ATRNL1: variants seen among roughly 807,000 people sequenced by gnomAD.
ATRNL1 encodes attractin-like protein 1.
ATRNL1 carries 95 observed loss-of-function variants against 182.7 expected under a neutral mutation model. The ratio of observed to expected loss-of-function variants is 0.52; its 90% CI spans 0.44 to 0.62. The LOEUF is 0.62. ATRNL1 is among the 20% of genes least tolerant of loss of function. ATRNL1 has a pLI of 0.00. For missense variants in ATRNL1, 1,471 were observed against 1,679.5 expected, an observed-to-expected ratio of 0.88 and a Z score of 2.17; for synonymous variants, 576 against 568.3, an observed-to-expected ratio of 1.01 and a Z score of -0.19.
intron 19 of ATRNL1, among the ~76,000 whole-genome samples, chr10:115,356,349 C>T (rs1554942826): frequency 6.6e-6 from 1 of 152,024 alleles, no homozygotes; most frequent in East Asian, 1.9e-4. Flanking sequence ...TTTGACACAA[C>T]AATGTTAAAA....
chr10:115,860,146 T>C (rs1951280009), intron 28 of ATRNL1, among the ~76,000 whole-genome samples: 1 of 152,204 alleles, frequency 6.6e-6, no homozygotes, highest in Admixed American at 6.5e-5. Flanking sequence ...AGGGAGGTGG[T>C]TTGAGGAATC....
intron 4 of ATRNL1, among the ~76,000 whole-genome samples, 191 bp from the exon 5 acceptor site, chr10:115,129,136 C>T (rs1241111962): frequency 6.6e-6 from 1 of 152,082 alleles, no homozygotes; most frequent in Non-Finnish European, 1.5e-5. Context: ...ATAAGACCAA[C>T]TGCAAATAAA....
chr10:115,224,154 C>T (rs1365092761), intron 9 of ATRNL1, among the ~76,000 whole-genome samples: 1 of 151,098 alleles, frequency 6.6e-6, no homozygotes, highest in Non-Finnish European at 1.5e-5. Context: ...CCAGGGTGGT[C>T]TCAATCTCTT....
intron 28 of ATRNL1, among the ~76,000 whole-genome samples, chr10:115,893,132 A>G (rs1555111676): frequency 6.6e-6 from 1 of 152,164 alleles, no homozygotes; most frequent in African/African-American, 2.4e-5. Context: ...ACTGCTGACA[A>G]TGCAGGTTCG....
intron 26 of ATRNL1, among the ~76,000 whole-genome samples, chr10:115,591,858 AG>A (rs1175018363): frequency 6.6e-6 from 1 of 152,220 alleles, no homozygotes; most frequent in African/African-American, 2.4e-5. Context: ...TCTACCAAAA[AG>A]ACACGTGCAC....
chr10:115,666,866 C>A (rs1242675156), intron 26 of ATRNL1, among the ~76,000 whole-genome samples: 2 of 152,018 alleles, frequency 1.3e-5, no homozygotes, highest in African/African-American at 2.4e-5. Flanking sequence ...TAATTATTTG[C>A]AATACTTAAA....
chr10:115,136,867 T>G (rs1275208840), intron 5 of ATRNL1, among the ~76,000 whole-genome samples: 1 of 152,214 alleles, frequency 6.6e-6, no homozygotes, highest in Non-Finnish European at 1.5e-5. Flanking sequence ...TGGTTGCTTC[T>G]GTAAAATTTG....
At chr10:115,337,535 C>A (rs1380168677) in intron 19 of ATRNL1, among the ~76,000 whole-genome samples, 1 of 152,068 alleles carries the variant, frequency 6.6e-6, no homozygotes, top group Non-Finnish European at 1.5e-5. Flanking sequence ...TACCTTCTCC[C>A]CAGCACCCCA....
intron 28 of ATRNL1, among the ~76,000 whole-genome samples, chr10:115,875,231 T>C (rs2134425949): frequency 6.6e-6 from 1 of 152,348 alleles, no homozygotes; most frequent in Non-Finnish European, 1.5e-5. Context: ...TGTAAGTTGA[T>C]TTGAGAGATC....
intron 19 of ATRNL1, among the ~76,000 whole-genome samples, chr10:115,347,901 G>T (rs1856049559): frequency 6.6e-6 from 1 of 152,036 alleles, no homozygotes; most frequent in Non-Finnish European, 1.5e-5. Flanking sequence ...AAATGCTTGG[G>T]CTTTGGAATC....
At chr10:115,714,948 A>T (rs782778166) in intron 26 of ATRNL1, among the ~76,000 whole-genome samples, 8 of 152,210 alleles carry the variant, frequency 5.3e-5, no homozygotes, top group Non-Finnish European at 7.3e-5. Flanking sequence ...GGAATATATC[A>T]TAAGCCAATA....
At chr10:115,398,739 A>T (rs955639988) in intron 20 of ATRNL1, among the ~76,000 whole-genome samples, 2 of 152,014 alleles carry the variant, frequency 1.3e-5, no homozygotes, top group Non-Finnish European at 2.9e-5. Flanking sequence ...TTCAGATACT[A>T]TGTTGAATGG....
chr10:115,292,777 C>A (rs1315087294), intron 15 of ATRNL1, among the ~76,000 whole-genome samples: 4 of 152,028 alleles, frequency 2.6e-5, no homozygotes, highest in African/African-American at 9.7e-5. Flanking sequence ...TTGTGTCCTA[C>A]CATATATGGT....
At chr10:115,720,266 C>A (rs144840974) in intron 26 of ATRNL1, among the ~76,000 whole-genome samples, 1 of 152,060 alleles carries the variant, frequency 6.6e-6, no homozygotes, top group African/African-American at 2.4e-5. Flanking sequence ...TACAAAGAAT[C>A]GCCCCTGTAA....
intron 19 of ATRNL1, among the ~76,000 whole-genome samples, chr10:115,369,655 A>G (rs1454722808): frequency 6.6e-6 from 1 of 152,134 alleles, no homozygotes; most frequent in Non-Finnish European, 1.5e-5. Flanking sequence ...TGCATACTAC[A>G]TTCCATAATG....
intron 26 of ATRNL1, among the ~76,000 whole-genome samples, chr10:115,708,451 C>G (rs1292004186): frequency 6.6e-6 from 1 of 151,628 alleles, no homozygotes; most frequent in Non-Finnish European, 1.5e-5. Context: ...ATTGTTTTAA[C>G]AAAATCTATA....
intron 19 of ATRNL1, among the ~76,000 whole-genome samples, chr10:115,365,559 C>T (rs1856990428): frequency 6.6e-6 from 1 of 152,130 alleles, no homozygotes; most frequent in Non-Finnish European, 1.5e-5. Context: ...TTGCCTTCTG[C>T]TAGCTTTAGA....
In ATRNL1 at chr10:115,403,257, C is replaced by CTTTTTTTTTTTTTTTTTTTTTTTT. The variant is rs59256867; in HGVS notation, c.3269+8524_3269+8525insTTTTTTTTTTTTTTTTTTTTTTTT. ...CTTTATTTTTCCTAATTACTCTCATCTTTTTTTTTTTTTTTTTTTAGTCTG... is the reference window on the plus strand; with the variant it reads ...CTTTATTTTTCCTAATTACTCTCATCTTTTTTTTTTTTTTTTTTTTTTTTTTTTTTTTTTTTTTTTTTTAGTCTG... On this transcript the variant is annotated intron_variant, in intron 20 of 28. Transcript: ENST00000355044. 2.3e-4 allele frequency among the ~76,000 whole-genome samples: 25 copies of CTTTTTTTTTTTTTTTTTTTTTTTT among 107,432 alleles called. 2 individuals are homozygous for CTTTTTTTTTTTTTTTTTTTTTTTT. Among genetic ancestry groups the CTTTTTTTTTTTTTTTTTTTTTTTT allele is most frequent in the African/African-American group, 1.2e-3 (24 of 20,392 alleles). 70.5% of individuals were successfully genotyped at this position (107,432 alleles called of 152,430 possible). A position where few individuals can be genotyped will look rare whatever the true frequency, so the allele number is the denominator to read the frequency against.
chr10:115,427,178 A>G (rs113167606), intron 21 of ATRNL1, among the ~76,000 whole-genome samples: 23 of 152,298 alleles, frequency 1.5e-4, no homozygotes, highest in African/African-American at 5.1e-4. Flanking sequence ...ATAGGTGTGT[A>G]ATGGTATCTA....
Sources: allele counts gnomAD v4.1 joint callset (sites outside exome capture counted in the v4.1 genomes callset), GRCh38; gene constraint gnomAD v4.1.1; transcripts MANE v1.5; gene names NCBI Gene and HGNC (gene_info 2026-07-23, HGNC 2026-07-21).